Variants in GLIS3 observed in about 807,000 individuals in gnomAD.
GLIS3 encodes the protein GLIS family zinc finger 3.
A neutral mutation model predicts 78.6 loss-of-function variants in GLIS3; 53 were observed. The ratio of observed to expected loss-of-function variants is 0.67; its 90% CI spans 0.54 to 0.85. The LOEUF (loss-of-function observed/expected upper bound fraction) is 0.85. GLIS3 is among the 40% of genes least tolerant of loss of function. The probability of loss-of-function intolerance (pLI) is 0.00; values close to 1 mark genes in which losing one functional copy is unlikely to be tolerated. For synonymous variants in GLIS3, 684 were observed against 509.9 expected, an observed-to-expected ratio of 1.34 and a Z score of -4.60; for missense variants, 1,703 against 1,231.1, an observed-to-expected ratio of 1.38 and a Z score of -5.74.
chr9:4,356,422 C>T, the GLIS3 span, among the ~76,000 whole-genome samples: 1 of 152,286 alleles, frequency 6.6e-6, no homozygotes, highest in African/African-American at 2.4e-5. Flanking sequence ...AATGATCTGG[C>T]CTCAGAAAAG....
chr9:4,100,290 T>C (rs943004672), intron 4 of GLIS3, among the ~76,000 whole-genome samples: 9 of 152,170 alleles, frequency 5.9e-5, no homozygotes, highest in Non-Finnish European at 1.0e-4. Context: ...CACACTATCC[T>C]AGTCATTAAC....
At chr9:4,013,765 C>T (rs1822223207) in intron 4 of GLIS3, among the ~76,000 whole-genome samples, 2 of 152,190 alleles carry the variant, frequency 1.3e-5, no homozygotes, top group South Asian at 4.1e-4. Context: ...GGGCAGAACT[C>T]CTCCATGAAT....
chr9:3,970,177 C>T (rs1177560037), intron 4 of GLIS3, among the ~76,000 whole-genome samples: 1 of 152,206 alleles, frequency 6.6e-6, no homozygotes, highest in Non-Finnish European at 1.5e-5. Context: ...CAGCAAATAT[C>T]TGGCACAGAT....
chr9:3,829,435 A>G lies in GLIS3; in HGVS notation c.2531T>C (p.Ile844Thr), dbSNP rs193061752. The change falls in exon 10 of 11, where the codon ATT becomes ACT. Residue 844 changes from isoleucine (I) to threonine (T), a missense_variant. Transcript: ENST00000381971. ...CPPHYPDSQR[I>T]VPPVSSCSVV... is the part of the protein sequence containing the mutation. ...ACTGCAGGAGCTGACAGGCGGCACA[A>G]TTCTCTGGGAATCGGGGTAGTGTGG... 3.7e-5 allele frequency: 60 copies of G among 1,614,126 alleles called. No individual in the cohort carries two copies. Among genetic ancestry groups the G allele is most frequent in the African/African-American group, 2.1e-4 (16 of 75,040 alleles).
In GLIS3 at chr9:4,281,468, C is replaced by A. The variant is rs183603763; in HGVS notation, c.388+4570G>T. On this transcript the variant is annotated intron_variant, in intron 2 of 10. Coordinates refer to ENST00000381971, the MANE Select transcript of GLIS3 (RefSeq NM_001042413.2). Reference sequence around the variant, plus strand: ...CCCCTTCTCCCCAACTCCCAGCAACCACCACTCTTTCTGACTATATGAATT... The same window carrying A: ...CCCCTTCTCCCCAACTCCCAGCAACAACCACTCTTTCTGACTATATGAATT... Among the ~76,000 whole-genome samples the A allele has an allele frequency of 6.4e-4, 98 of 152,298 alleles. No homozygotes were observed. The Middle Eastern group carries it at 0.014, about 21-fold the overall frequency.
intron 7 of GLIS3, among the ~76,000 whole-genome samples, chr9:3,883,856 C>T (rs965192551): frequency 6.6e-6 from 1 of 152,206 alleles, no homozygotes; most frequent in Non-Finnish European, 1.5e-5. Flanking sequence ...AGATGGTAGT[C>T]TCCCTGAGGA....
intron 6 of GLIS3, among the ~76,000 whole-genome samples, chr9:3,905,199 C>A (rs927850243): frequency 7.8e-6 from 1 of 128,538 alleles, no homozygotes. Context: ...ACCATGTTAG[C>A]TAGGATAGTC....
intron 4 of GLIS3, among the ~76,000 whole-genome samples, chr9:4,052,652 A>T (rs535776839): frequency 6.6e-6 from 1 of 152,212 alleles, no homozygotes; most frequent in Non-Finnish European, 1.5e-5. Context: ...TCAATGTTGC[A>T]GCATGTATCA....
intron 6 of GLIS3, among the ~76,000 whole-genome samples, chr9:3,930,594 C>T (rs1286127978): frequency 2.0e-5 from 3 of 152,138 alleles, no homozygotes; most frequent in African/African-American, 7.2e-5. Context: ...AAAATATCCC[C>T]TGTTATGTTT....
chr9:4,251,924 A>T (rs1027522210), intron 2 of GLIS3, among the ~76,000 whole-genome samples: 2 of 152,178 alleles, frequency 1.3e-5, no homozygotes, highest in Non-Finnish European at 1.5e-5. Flanking sequence ...AGAATGTTTA[A>T]TATTGGCCCC....
At chr9:4,142,752 G>A (rs1833905558) in intron 2 of GLIS3, among the ~76,000 whole-genome samples, 1 of 152,206 alleles carries the variant, frequency 6.6e-6, no homozygotes, top group Non-Finnish European at 1.5e-5. Context: ...AAGGAAGACT[G>A]TTAGACATTA....
chr9:4,330,589 G>C (rs1267203933), intron 2 of GLIS3, among the ~76,000 whole-genome samples: 3 of 149,982 alleles, frequency 2.0e-5, no homozygotes, highest in South Asian at 4.2e-4. Flanking sequence ...GGAGGTGAAG[G>C]TTGGATGGAG....
At chr9:4,352,112 G>A (rs534746200), upstream of GLIS3, among the ~76,000 whole-genome samples, 1 of 152,324 alleles carries the variant, frequency 6.6e-6, no homozygotes, top group Non-Finnish European at 1.5e-5. Context: ...CGATGGAAAA[G>A]TAGATTTCTG....
intron 4 of GLIS3, among the ~76,000 whole-genome samples, chr9:4,041,019 A>G (rs746369481): frequency 1.3e-5 from 2 of 152,228 alleles, no homozygotes; most frequent in Non-Finnish European, 2.9e-5. Context: ...AATGCATGCT[A>G]AACTTTGAAA....
chr9:4,358,526 A>G, the GLIS3 span, among the ~76,000 whole-genome samples: 138 of 152,242 alleles, frequency 9.1e-4, 1 homozygote, highest in Non-Finnish European at 1.6e-3. Flanking sequence ...TGTACCTACT[A>G]TGTTCCAGCA....
intron 4 of GLIS3, among the ~76,000 whole-genome samples, chr9:3,989,830 A>C (rs1171816237): frequency 2.0e-5 from 3 of 152,240 alleles, no homozygotes; most frequent in Admixed American, 2.0e-4. Context: ...TGAACACAAG[A>C]AACTGCACTA....
chr9:4,451,426 A>G, the GLIS3 span, among the ~76,000 whole-genome samples: 2 of 152,190 alleles, frequency 1.3e-5, no homozygotes, highest in Admixed American at 6.5e-5. Flanking sequence ...CACTGTCAAT[A>G]TTAGACAGAT....
chr9:3,992,456 T>C (rs929223816), intron 4 of GLIS3, among the ~76,000 whole-genome samples: 1 of 152,186 alleles, frequency 6.6e-6, no homozygotes, highest in Admixed American at 6.5e-5. Flanking sequence ...GCATTTCCCT[T>C]CCTCCTCATG....
chr9:4,424,511 T>C, the GLIS3 span, among the ~76,000 whole-genome samples: 1 of 152,220 alleles, frequency 6.6e-6, no homozygotes, highest in Non-Finnish European at 1.5e-5. Context: ...GAATACTTGA[T>C]TATTGCAACA....
Sources: allele counts gnomAD v4.1 joint callset (sites outside exome capture counted in the v4.1 genomes callset), GRCh38; gene constraint gnomAD v4.1.1; transcripts MANE v1.5; gene names NCBI Gene and HGNC (gene_info 2026-07-23, HGNC 2026-07-21).